MGAT5: variants seen among roughly 807,000 people sequenced by gnomAD.
MGAT5 encodes the protein alpha-1,6-mannosylglycoprotein 6-beta-N-acetylglucosaminyltransferase, also known as alpha-1,6-mannosylglycoprotein 6-beta-N-acetylglucosaminyltransferase A.
A neutral mutation model predicts 94.3 loss-of-function variants in MGAT5; 30 were observed. That is an observed-to-expected ratio of 0.32 (90% CI 0.24 to 0.43). The LOEUF (loss-of-function observed/expected upper bound fraction) is 0.43, where lower values mean the gene tolerates loss of function less well. MGAT5 is among the 20% of genes least tolerant of loss of function. The pLI, the probability that MGAT5 is intolerant of heterozygous loss-of-function variation, is 1.00. For missense variants in MGAT5, 691 were observed against 905.5 expected, an observed-to-expected ratio of 0.76 and a Z score of 3.04; for synonymous variants, 310 against 322.9, an observed-to-expected ratio of 0.96 and a Z score of 0.43.
At chr2:134,156,808 G>A (rs1046406383) in intron 1 of MGAT5, among the ~76,000 whole-genome samples, 2 of 152,144 alleles carry the variant, frequency 1.3e-5, no homozygotes, top group African/African-American at 4.8e-5. Flanking sequence ...CATGGGCCCT[G>A]AGCAACTCCT....
intron 10 of MGAT5, among the ~76,000 whole-genome samples, chr2:134,387,332 ATT>A (rs35936767): frequency 2.1e-4 from 5 of 24,262 alleles, no homozygotes; most frequent in Admixed American, 7.7e-4. Flanking sequence ...ATATATATAT[ATT>A]TTTTTTTTTT....
intron 1 of MGAT5, among the ~76,000 whole-genome samples, chr2:134,176,404 T>A (rs554522056): frequency 1.3e-5 from 2 of 151,968 alleles, no homozygotes; most frequent in East Asian, 3.9e-4. Context: ...AAACCCCTTC[T>A]CTGTTAAAAA....
At chr2:134,160,108 T>C (rs1283473276) in intron 1 of MGAT5, among the ~76,000 whole-genome samples, 1 of 152,184 alleles carries the variant, frequency 6.6e-6, no homozygotes, top group Non-Finnish European at 1.5e-5. Context: ...AATCAGCATA[T>C]TTGCCTGACT....
At chr2:134,238,858 G>A (rs529837367) in intron 1 of MGAT5, among the ~76,000 whole-genome samples, 7 of 152,144 alleles carry the variant, frequency 4.6e-5, no homozygotes, top group African/African-American at 7.2e-5. Flanking sequence ...TGGGAGAATC[G>A]CTGGAACCCA....
intron 10 of MGAT5, among the ~76,000 whole-genome samples, chr2:134,367,428 T>C (rs1680507506): frequency 6.6e-6 from 1 of 152,240 alleles, no homozygotes. Flanking sequence ...TCTGTTTTTG[T>C]CAATTACATT....
intron 12 of MGAT5, among the ~76,000 whole-genome samples, chr2:134,416,506 C>A (rs1683981088): frequency 7.1e-6 from 1 of 140,908 alleles, no homozygotes; most frequent in Admixed American, 7.3e-5. Context: ...TCTTGCTCTG[C>A]CACCCAGGCT....
intron 4 of MGAT5, among the ~76,000 whole-genome samples, chr2:134,330,192 A>G (rs1040711569): frequency 6.6e-6 from 1 of 152,188 alleles, no homozygotes; most frequent in African/African-American, 2.4e-5. Flanking sequence ...CAGATCTTAT[A>G]GGATAATAAA....
intron 2 of MGAT5, among the ~76,000 whole-genome samples, chr2:134,300,862 C>T (rs1558771868): frequency 6.6e-6 from 1 of 152,154 alleles, no homozygotes; most frequent in Admixed American, 6.5e-5. Flanking sequence ...AGAAAGCACA[C>T]ATTTAAGCAA....
intron 4 of MGAT5, chr2:134,319,596 A>T (rs1687201679): frequency 5.2e-6 from 1 of 192,904 alleles, no homozygotes; most frequent in Admixed American, 6.1e-5. Flanking sequence ...GGCAGGGGCT[A>T]CCACTTGGGA....
intron 1 of MGAT5, among the ~76,000 whole-genome samples, chr2:134,257,162 G>C (rs1295185634): frequency 6.6e-6 from 1 of 152,196 alleles, no homozygotes; most frequent in African/African-American, 2.4e-5. Context: ...TGTACTAAGA[G>C]TGGAAGCCAC....
chr2:134,302,036 C>G (rs542822861), intron 2 of MGAT5, among the ~76,000 whole-genome samples: 1 of 152,298 alleles, frequency 6.6e-6, no homozygotes, highest in African/African-American at 2.4e-5. Context: ...TAAAGCCGGA[C>G]TTTTTATGTC....
intron 12 of MGAT5, among the ~76,000 whole-genome samples, chr2:134,416,645 T>A (rs1216787040): frequency 6.6e-6 from 1 of 152,040 alleles, no homozygotes; most frequent in African/African-American, 2.4e-5. Flanking sequence ...CTACTCTTTT[T>A]ATATTTGGTA....
rs117206120 is a variant in MGAT5, at chr2:134,412,985, C to T, written c.1647C>T (p.Asp549=). ...CACCCAAAAGCAGCAAAAACACAGA[C>T]TTTTTCATTGGCAAGCCAACTCTGA... The part of the protein sequence containing the change: ...FNPPKSSKNT[D]FFIGKPTLRE... The change falls in exon 12 of 16, where the codon GAC becomes GAT. Residue 549 remains aspartate (D), a synonymous_variant. Coordinates refer to ENST00000281923, the MANE Select transcript of MGAT5 (RefSeq NM_002410.5). 6.2e-7 allele frequency: 1 copy of T among 1,614,116 alleles called. No individual in the cohort carries two copies. Among genetic ancestry groups the T allele is most frequent in the South Asian group, 1.1e-5 (1 of 91,086 alleles).
chr2:134,213,814 G>GTTGGGGTATGCCACCTTC (rs151247121), intron 1 of MGAT5, among the ~76,000 whole-genome samples: 4,290 of 152,294 alleles, frequency 0.028, 205 homozygotes, highest in African/African-American at 0.097. Context: ...TCCTTGTGGA[G>GTTGGGGTATGCCACCTTC]TTGGGGTATG....
chr2:134,143,279 A>G (rs1473232114), intron 1 of MGAT5, among the ~76,000 whole-genome samples: 1 of 152,188 alleles, frequency 6.6e-6, no homozygotes, highest in Non-Finnish European at 1.5e-5. Flanking sequence ...GTCACACAAC[A>G]TGATGAACAT....
At chr2:134,356,414 T>G (rs1038426593) in intron 9 of MGAT5, among the ~76,000 whole-genome samples, 2 of 152,186 alleles carry the variant, frequency 1.3e-5, no homozygotes, top group African/African-American at 4.8e-5. Flanking sequence ...TTGTTCCTTA[T>G]GAGCGTCAGT....
intron 10 of MGAT5, among the ~76,000 whole-genome samples, chr2:134,377,510 T>A (rs1277816659): frequency 6.6e-6 from 1 of 152,210 alleles, no homozygotes; most frequent in African/African-American, 2.4e-5. Context: ...TCAATCAGGA[T>A]TCAATAGCTG....
At chr2:134,349,149 C>G (rs1679199457) in intron 8 of MGAT5, among the ~76,000 whole-genome samples, 1 of 152,116 alleles carries the variant, frequency 6.6e-6, no homozygotes, top group East Asian at 1.9e-4. Flanking sequence ...ACAGACCGTA[C>G]AAAAATAGGC....
chr2:134,400,189 G>C lies in MGAT5; in HGVS notation c.1381-2799G>C, dbSNP rs139314765. Among the ~76,000 whole-genome samples, 4 of 152,246 alleles carry C rather than the reference G, an allele frequency of 2.6e-5. No homozygotes were observed. In the East Asian group the frequency reaches 7.7e-4, roughly 29 times the overall value. ...GTGTAGGTACTTGGCTGGGAGTTTGGTATGAGAGGCTTCTGGGGCACCTTT... is the reference window on the plus strand; with the variant it reads ...GTGTAGGTACTTGGCTGGGAGTTTGCTATGAGAGGCTTCTGGGGCACCTTT... On this transcript the variant is annotated intron_variant, in intron 10 of 15. Coordinates refer to ENST00000281923, the MANE Select transcript of MGAT5 (RefSeq NM_002410.5).
Sources: gnomAD v4.1 joint callset for allele counts (sites outside exome capture counted in the v4.1 genomes callset) on GRCh38, gnomAD v4.1.1 for gene constraint, MANE v1.5 for transcripts, NCBI Gene and HGNC (gene_info 2026-07-23, HGNC 2026-07-21) for gene names.